Variants in TMEM244 observed in about 807,000 individuals in gnomAD.
TMEM244 encodes the protein putative transmembrane protein 244.
In TMEM244, 13 loss-of-function variants were observed where a neutral mutation model predicts 15.8. The observed-to-expected ratio is 0.82, with a 90% confidence interval of 0.53 to 1.30. The LOEUF (loss-of-function observed/expected upper bound fraction) is 1.30, where lower values mean the gene tolerates loss of function less well. TMEM244 is among the 50% of genes most tolerant of loss of function. The pLI, the probability that TMEM244 is intolerant of heterozygous loss-of-function variation, is 0.00. For synonymous variants in TMEM244, 45 were observed against 48.7 expected (o/e 0.92, Z 0.32); for missense variants, 161 against 144.9 (o/e 1.11, Z -0.57).
chr6:129,839,459 C>G (rs1399052408), intron 3 of TMEM244, among the ~76,000 whole-genome samples: 5 of 152,244 alleles, frequency 3.3e-5, no homozygotes, highest in African/African-American at 1.2e-4. Flanking sequence ...ATGACAAACC[C>G]ACAGCCAATG....
At chr6:129,838,973 G>T (rs9483064) in intron 3 of TMEM244, among the ~76,000 whole-genome samples, 56,670 of 151,966 alleles carry the variant, frequency 0.37, 11,073 homozygotes, top group South Asian at 0.5. Context: ...TGACCAGATG[G>T]ATTCATAGCC....
rs190462239 is a variant in TMEM244 at position 129,842,937 on chromosome 6, G to A, written c.193+593C>T. ...ACAAAAATGCCAAATTTAAAAGAGA[G>A]AAATTTTGCCTTAGTGTATTCTTTC... On this transcript the variant is annotated intron_variant, in intron 3 of 4. Coordinates refer to ENST00000368143, the MANE Select transcript of TMEM244 (RefSeq NM_001010876.2). Among the ~76,000 whole-genome samples the A allele has an allele frequency of 2.3e-3, 339 of 150,540 alleles. 5 individuals carry two copies. Among genetic ancestry groups the A allele is most frequent in the Non-Finnish European group, 6.2e-4 (42 of 67,684 alleles).
At chr6:129,842,824 T>G (rs17396397) in intron 3 of TMEM244, among the ~76,000 whole-genome samples, 55,991 of 150,326 alleles carry the variant, frequency 0.37, 10,918 homozygotes, top group South Asian at 0.5. Context: ...ACCATGAAGC[T>G]CCCCCAAACA....
At chr6:129,857,917 A>G (rs1037777950) in intron 1 of TMEM244, among the ~76,000 whole-genome samples, 4 of 151,618 alleles carry the variant, frequency 2.6e-5, no homozygotes, top group African/African-American at 9.7e-5. Context: ...TTAAATCAGG[A>G]GTGGTTCAGG....
At chr6:129,835,000 A>AT (rs34119114) in intron 3 of TMEM244, among the ~76,000 whole-genome samples, 11,900 of 152,274 alleles carry the variant, frequency 0.078, 883 homozygotes, top group African/African-American at 0.19. Context: ...GAGAATACTT[A>AT]TGCTTTGTTC....
At chr6:129,848,223 T>G (rs1329848240) in intron 1 of TMEM244, among the ~76,000 whole-genome samples, 2 of 152,162 alleles carry the variant, frequency 1.3e-5, no homozygotes, top group African/African-American at 2.4e-5. Flanking sequence ...CAACATGATT[T>G]TTAAAAAGGA....
At chr6:129,833,652 T>C in intron 3 of TMEM244, 67 bp from the exon 4 acceptor site, 4 of 1,478,240 alleles carry the variant, frequency 2.7e-6, no homozygotes, top group East Asian at 2.4e-5. Context: ...ATACAACTAG[T>C]AACAAGACCA....
intron 1 of TMEM244, among the ~76,000 whole-genome samples, chr6:129,847,793 A>C (rs1191264387): frequency 1.9e-5 from 2 of 107,284 alleles, no homozygotes; most frequent in African/African-American, 7.4e-5. Context: ...TTTTTTTTTG[A>C]GACAGAGTTT....
intron 3 of TMEM244, among the ~76,000 whole-genome samples, chr6:129,839,955 C>A (rs1776465024): frequency 6.6e-6 from 1 of 152,160 alleles, no homozygotes; most frequent in South Asian, 2.1e-4. Context: ...GAAGAACATT[C>A]CATGCTCATG....
chr6:129,833,246 A>T (rs1776355622), intron 4 of TMEM244, among the ~76,000 whole-genome samples: 1 of 152,202 alleles, frequency 6.6e-6, no homozygotes, highest in African/African-American at 2.4e-5. Flanking sequence ...ATTTCAAAAT[A>T]AAACGCTTTT....
chr6:129,839,039 A>G (rs1041148996), intron 3 of TMEM244, among the ~76,000 whole-genome samples: 2 of 152,202 alleles, frequency 1.3e-5, no homozygotes, highest in Non-Finnish European at 2.9e-5. Flanking sequence ...AAAGTATTCC[A>G]ATCAATAGAA....
At chr6:129,841,586 T>G (rs1776492310) in intron 3 of TMEM244, among the ~76,000 whole-genome samples, 1 of 152,010 alleles carries the variant, frequency 6.6e-6, no homozygotes, top group Admixed American at 6.6e-5. Context: ...AAAAAAGAGT[T>G]ATAAGGTGTT....
chr6:129,857,461 T>C (rs1776729670), intron 1 of TMEM244, among the ~76,000 whole-genome samples: 1 of 152,070 alleles, frequency 6.6e-6, no homozygotes, highest in South Asian at 2.1e-4. Flanking sequence ...GTTTAAGCAA[T>C]TCTCCTGCCT....
intron 3 of TMEM244, among the ~76,000 whole-genome samples, chr6:129,840,260 C>T (rs1195177259): frequency 6.6e-6 from 1 of 152,118 alleles, no homozygotes; most frequent in East Asian, 1.9e-4. Flanking sequence ...GAACAGAGGC[C>T]TCAAGAATAA....
At chr6:129,843,431 G>A (rs551351287) in intron 3 of TMEM244, 99 bp downstream of exon 3, 277 of 711,286 alleles carry the variant, frequency 3.9e-4, no homozygotes, top group East Asian at 2.8e-3. Context: ...AGATGACTGC[G>A]AGACAGGCCT....
chr6:129,854,577 T>G (rs1776679478), intron 1 of TMEM244, among the ~76,000 whole-genome samples: 1 of 152,264 alleles, frequency 6.6e-6, no homozygotes, highest in South Asian at 2.1e-4. Context: ...CAAATAAACA[T>G]GTGGGTTAGT....
intron 4 of TMEM244, among the ~76,000 whole-genome samples, chr6:129,832,939 A>G (rs115081975): frequency 1.8e-3 from 277 of 152,288 alleles, no homozygotes; most frequent in African/African-American, 5.8e-3. Flanking sequence ...TTGGAGGAAA[A>G]ATATGTCTTA....
At chr6:129,857,390 C>G (rs1183030187) in intron 1 of TMEM244, among the ~76,000 whole-genome samples, 1 of 151,860 alleles carries the variant, frequency 6.6e-6, no homozygotes, top group Non-Finnish European at 1.5e-5. Flanking sequence ...GAGTCTCGCT[C>G]TGTCACCCAG....
At chr6:129,841,902 C>T (rs1776496500) in intron 3 of TMEM244, among the ~76,000 whole-genome samples, 1 of 152,078 alleles carries the variant, frequency 6.6e-6, no homozygotes, top group East Asian at 1.9e-4. Flanking sequence ...ATTAATATCT[C>T]TGAGATTAGA....
Sources: gnomAD v4.1 joint callset for allele counts (sites outside exome capture counted in the v4.1 genomes callset) on GRCh38, gnomAD v4.1.1 for gene constraint, MANE v1.5 for transcripts, NCBI Gene and HGNC (gene_info 2026-07-23, HGNC 2026-07-21) for gene names.